FKBP1B: variants seen among roughly 807,000 people sequenced by gnomAD.
FKBP1B encodes the protein FKBP prolyl isomerase 1B.
In FKBP1B, 4 loss-of-function variants were observed where a neutral mutation model predicts 13.5. That is an observed-to-expected ratio of 0.30 (90% CI 0.15 to 0.68). The LOEUF (loss-of-function observed/expected upper bound fraction) is 0.68, where lower values mean the gene tolerates loss of function less well. Ranked by LOEUF, FKBP1B falls within the 30% of genes least tolerant of loss-of-function variation. FKBP1B has a pLI of 0.76. For synonymous variants in FKBP1B, 54 were observed against 53.6 expected (o/e 1.01, Z -0.03); for missense variants, 93 against 136.2 (o/e 0.68, Z 1.58).
At chr2:24,045,631 G>GAGGAAGGA (rs4041250), upstream of FKBP1B, among the ~76,000 whole-genome samples, 2 of 106,154 alleles carry the variant, frequency 1.9e-5, no homozygotes, top group African/African-American at 9.5e-5. Flanking sequence ...GAGAGAGAGA[G>GAGGAAGGA]AGGAAGGAAG....
In FKBP1B at chr2:24,053,930, G is replaced by T. The variant is rs772451187; in HGVS notation, c.66G>T (p.Thr22=). The part of the protein sequence containing the change: ...DGRTFPKKGQ[T]CVVHYTGMLQ... ...GGACATTCCCCAAGAAGGGCCAAAC[G>T]TGTGTGGTGCACTACACAGGTAAGT... The change falls in exon 2 of 4, where the codon ACG becomes ACT. Residue 22 remains threonine, a synonymous_variant. Coordinates refer to ENST00000380986, the MANE Select transcript of FKBP1B (RefSeq NM_004116.5). The T allele has an allele frequency of 6.2e-7, 1 of 1,614,038 alleles. No individual in the cohort carries two copies. The highest frequency in any genetic ancestry group is 1.3e-5 in the African/African-American group (1 of 74,914).
the FKBP1B span, among the ~76,000 whole-genome samples, chr2:24,036,949 T>G: frequency 6.6e-6 from 1 of 152,236 alleles, no homozygotes; most frequent in African/African-American, 2.4e-5. Flanking sequence ...GATAAAAACA[T>G]GTATAATATG....
At chr2:24,053,209 T>C (rs2150962406) in intron 1 of FKBP1B, among the ~76,000 whole-genome samples, 1 of 151,726 alleles carries the variant, frequency 6.6e-6, no homozygotes, top group South Asian at 2.1e-4. Flanking sequence ...CCTCCTGGGC[T>C]CAAACAATCC....
At chr2:24,038,675 A>G in the FKBP1B span, 7 of 1,614,118 alleles carry the variant, frequency 4.3e-6, no homozygotes, top group African/African-American at 9.3e-5. Context: ...GAAGAAACTG[A>G]TACTTCAGAA....
chr2:24,054,231 G>A (rs1429878858), intron 2 of FKBP1B: 10 of 618,920 alleles, frequency 1.6e-5, no homozygotes, highest in Non-Finnish European at 3.0e-5. Context: ...TTCTGTTGCA[G>A]GTATGGTGGA....
chr2:24,056,005 T>G (rs1664106728), intron 2 of FKBP1B, among the ~76,000 whole-genome samples: 1 of 152,200 alleles, frequency 6.6e-6, no homozygotes, highest in Non-Finnish European at 1.5e-5. Flanking sequence ...TTGTTTTTTC[T>G]TTTTTTGAGA....
chr2:24,035,750 A>ATAGTTAAAAAAAAATTTTTTT, the FKBP1B span, among the ~76,000 whole-genome samples: 1 of 151,636 alleles, frequency 6.6e-6, no homozygotes. Context: ...CCTTGTCTCT[A>ATAGTTAAAAAAAAATTTTTTT]TAGTTAAAAA....
chr2:24,062,165 T>C (rs917969741), intron 3 of FKBP1B, among the ~76,000 whole-genome samples: 1 of 151,916 alleles, frequency 6.6e-6, no homozygotes, highest in Non-Finnish European at 1.5e-5. Flanking sequence ...GGCCTGTTTT[T>C]TGTTTTTTAT....
chr2:24,042,354 G>A, the FKBP1B span, among the ~76,000 whole-genome samples: 7 of 151,998 alleles, frequency 4.6e-5, no homozygotes, highest in Admixed American at 2.0e-4. Context: ...TGGCTAACAC[G>A]GTGAAACCCT....
chr2:24,057,688 A>G (rs941071023), intron 2 of FKBP1B, among the ~76,000 whole-genome samples: 1 of 151,388 alleles, frequency 6.6e-6, no homozygotes. Context: ...GCTAATTTTT[A>G]GTTTTTCTGT....
intron 2 of FKBP1B, 67 bp downstream of exon 2, chr2:24,054,016 T>C: frequency 6.7e-7 from 1 of 1,487,050 alleles, no homozygotes; most frequent in South Asian, 1.1e-5. Context: ...CCTCTGAGCT[T>C]CTCTCCAGAG....
chr2:24,051,519 TC>T (rs1357921435), intron 1 of FKBP1B, among the ~76,000 whole-genome samples: 1 of 152,120 alleles, frequency 6.6e-6, no homozygotes, highest in Admixed American at 6.5e-5. Flanking sequence ...CCTCCAGCTT[TC>T]CCAAGCTGCC....
chr2:24,049,881 G>C lies in FKBP1B; in HGVS notation c.32G>C (p.Gly11Ala). MGVEIETISP[G>A]DGRTFPKKGQ... ...GTGGAGATCGAGACCATCTCCCCCG[G>C]AGACGGTACCGGGCTCCCTCCGGAG... The change falls in exon 1 of 4, where the codon GGA becomes GCA. Residue 11 changes from glycine to alanine, a missense_variant. By Grantham distance (60) the Gly-to-Ala change is moderately conservative. Transcript: ENST00000380986. 1 of 1,420,632 alleles carries C rather than the reference G, an allele frequency of 7.0e-7. No homozygotes were observed. The allele number at this position is 1,420,632 out of a possible 1,614,324, so 88.0% of individuals were successfully genotyped here.
chr2:24,049,728 C>T (rs1246844538), upstream of FKBP1B: 67 of 752,018 alleles, frequency 8.9e-5, no homozygotes, highest in African/African-American at 3.6e-5. Flanking sequence ...CCAGCCGCAC[C>T]TCCTCCGGCT....
At chr2:24,062,484 G>T (rs1012458559) in intron 3 of FKBP1B, among the ~76,000 whole-genome samples, 1 of 151,940 alleles carries the variant, frequency 6.6e-6, no homozygotes, top group Non-Finnish European at 1.5e-5. Context: ...CGGACTTTTT[G>T]TATTTTTTAG....
the FKBP1B span, chr2:24,037,621 CT>C: frequency 6.0e-6 from 9 of 1,503,918 alleles, no homozygotes; most frequent in South Asian, 1.2e-4. Context: ...TCTTGCAGTA[CT>C]CACCGGCTGC....
intron 3 of FKBP1B, among the ~76,000 whole-genome samples, chr2:24,062,398 C>T (rs950771332): frequency 5.9e-5 from 9 of 152,222 alleles, no homozygotes; most frequent in Admixed American, 1.3e-4. Flanking sequence ...AGGCTGCTCT[C>T]GAACTCCTGA....
chr2:24,041,858 CAAAAAA>C, the FKBP1B span, among the ~76,000 whole-genome samples: 5 of 93,226 alleles, frequency 5.4e-5, no homozygotes, highest in East Asian at 3.4e-4. Context: ...AACTCTGTCT[CAAAAAA>C]AAAAAAAAAA....
intron 1 of FKBP1B, among the ~76,000 whole-genome samples, chr2:24,051,032 A>G (rs915941021): frequency 5.9e-5 from 9 of 152,138 alleles, no homozygotes; most frequent in African/African-American, 1.7e-4. Flanking sequence ...CTCCCTTTCT[A>G]TATCATAGCC....
Sources: allele counts gnomAD v4.1 joint callset (sites outside exome capture counted in the v4.1 genomes callset), GRCh38; gene constraint gnomAD v4.1.1; transcripts MANE v1.5; gene names NCBI Gene and HGNC (gene_info 2026-07-23, HGNC 2026-07-21).